TEC: variants seen among roughly 807,000 people sequenced by gnomAD.
TEC encodes tyrosine-protein kinase Tec.
In TEC, 72 loss-of-function variants were observed where a neutral mutation model predicts 93.0. That is an observed-to-expected ratio of 0.77 (90% confidence interval 0.64 to 0.94). The LOEUF (loss-of-function observed/expected upper bound fraction) is 0.94. Among genes scored for constraint, TEC ranks in the 40% least tolerant of loss-of-function variants. TEC has a pLI of 0.00. For missense variants in TEC, 630 were observed against 757.9 expected, an observed-to-expected ratio of 0.83 and a Z score of 1.98; for synonymous variants, 249 against 247.7, an observed-to-expected ratio of 1.01 and a Z score of -0.05.
chr4:48,149,624 G>A lies in TEC; in HGVS notation c.939C>T (p.Tyr313=). 6.2e-7 allele frequency: 1 copy of A among 1,612,296 alleles called. No homozygotes were observed. The highest frequency in any genetic ancestry group is 1.3e-5 in the African/African-American group (1 of 74,928). ...KETTTSPKKY[Y]LAEKHAFGSI... is the part of the protein sequence containing the mutation. ...AGCCAAAAGCATGTTTTTCAGCTAGGTAATACTTCTTTGGAGATGTTGTTG... is the reference window on the plus strand; with the variant it reads ...AGCCAAAAGCATGTTTTTCAGCTAGATAATACTTCTTTGGAGATGTTGTTG... The change falls in exon 11 of 18, where the codon TAC becomes TAT. Residue 313 remains tyrosine (Y), a synonymous_variant. Coordinates refer to ENST00000381501, the MANE Select transcript of TEC (RefSeq NM_003215.3).
At chr4:48,161,582 C>T (rs1720659422) in intron 8 of TEC, among the ~76,000 whole-genome samples, 1 of 144,944 alleles carries the variant, frequency 6.9e-6, no homozygotes, top group Admixed American at 7.2e-5. Context: ...ACTATTCACT[C>T]CACAGCTGCC....
intron 1 of TEC, among the ~76,000 whole-genome samples, chr4:48,246,799 C>T (rs926200315): frequency 6.6e-6 from 1 of 152,088 alleles, no homozygotes; most frequent in Non-Finnish European, 1.5e-5. Context: ...TTGTAGAACT[C>T]TTAGAAGAAA....
intron 10 of TEC, 80 bp from the exon 11 acceptor site, chr4:48,149,770 C>A: frequency 7.1e-7 from 1 of 1,404,798 alleles, no homozygotes; most frequent in South Asian, 1.5e-5. Context: ...ACAAGGGCAA[C>A]CACAGTGTCT....
chr4:48,265,435 A>G (rs2036766), intron 1 of TEC, among the ~76,000 whole-genome samples: 100,680 of 138,736 alleles, frequency 0.73, 38,213 homozygotes, highest in Non-Finnish European at 0.87. Context: ...ATACACACAC[A>G]CATATATACG....
In TEC at chr4:48,250,376, G is replaced by C. The variant is rs1211641043; in HGVS notation, c.-46+19376C>G. Among the ~76,000 whole-genome samples, 10 of 152,144 alleles carry C rather than the reference G, an allele frequency of 6.6e-5. No individual in the cohort carries two copies. The East Asian group carries it at 1.3e-3, about 20-fold the overall frequency. On this transcript the variant is annotated intron_variant, in intron 1 of 17. Coordinates refer to ENST00000381501, the MANE Select transcript of TEC (RefSeq NM_003215.3). ...TACTCTCCCATGAGTGCAATAGATT[G>C]ATTGGAATAATGGCCCCAATTTTTC...
chr4:48,255,029 C>A (rs1203517437), intron 1 of TEC, among the ~76,000 whole-genome samples: 1 of 152,224 alleles, frequency 6.6e-6, no homozygotes, highest in South Asian at 2.1e-4. Context: ...GACAAAAATA[C>A]TCATCTTCTG....
chr4:48,188,445 G>GC (rs1182580841), intron 2 of TEC, among the ~76,000 whole-genome samples: 1 of 152,062 alleles, frequency 6.6e-6, no homozygotes, highest in African/African-American at 2.4e-5. Context: ...GTTTCTGAGG[G>GC]TTTTTTCCTT....
At chr4:48,190,531 C>T (rs550702499) in intron 2 of TEC, among the ~76,000 whole-genome samples, 2 of 152,212 alleles carry the variant, frequency 1.3e-5, no homozygotes, top group South Asian at 2.1e-4. Context: ...CATTTATAAT[C>T]GAGGTAGGAA....
At chr4:48,149,758 C>A in intron 10 of TEC, 68 bp from the exon 11 acceptor site, 2 of 1,492,678 alleles carry the variant, frequency 1.3e-6, no homozygotes, top group Non-Finnish European at 1.8e-6. Flanking sequence ...AAGATGTTTT[C>A]TACAAGGGCA....
chr4:48,181,231 G>A (rs1291695924), intron 2 of TEC, among the ~76,000 whole-genome samples: 2 of 152,162 alleles, frequency 1.3e-5, no homozygotes, highest in Non-Finnish European at 2.9e-5. Context: ...TGTCTTTATA[G>A]ATAAAGACAA....
At chr4:48,149,735 G>A (rs371483305) in intron 10 of TEC, 45 bp from the exon 11 acceptor site, 1 of 1,555,402 alleles carries the variant, frequency 6.4e-7, no homozygotes, top group African/African-American at 1.4e-5. Flanking sequence ...TGAAATAATA[G>A]AACTTCATTC....
intron 2 of TEC, among the ~76,000 whole-genome samples, chr4:48,209,516 G>C (rs1020503142): frequency 2.0e-5 from 3 of 152,148 alleles, no homozygotes; most frequent in African/African-American, 7.2e-5. Context: ...GGGAGGCTGA[G>C]GTGGGAGGAT....
chr4:48,181,823 G>C (rs571088394), intron 2 of TEC, among the ~76,000 whole-genome samples: 1 of 152,078 alleles, frequency 6.6e-6, no homozygotes, highest in Non-Finnish European at 1.5e-5. Context: ...GCTTTTTAAA[G>C]CTTTTCCACA....
intron 2 of TEC, among the ~76,000 whole-genome samples, chr4:48,212,798 A>G (rs1722954859): frequency 6.6e-6 from 1 of 152,220 alleles, no homozygotes; most frequent in African/African-American, 2.4e-5. Flanking sequence ...ATAGCACAGC[A>G]GAGGTAGCAT....
chr4:48,222,349 C>G (rs1402476477), intron 2 of TEC, among the ~76,000 whole-genome samples: 26 of 152,142 alleles, frequency 1.7e-4, no homozygotes, highest in Non-Finnish European at 2.5e-4. Flanking sequence ...CCTAGAGAAG[C>G]TATGCATTTT....
chr4:48,187,507 G>A (rs969569039), intron 2 of TEC, among the ~76,000 whole-genome samples: 3 of 150,854 alleles, frequency 2.0e-5, no homozygotes, highest in African/African-American at 7.3e-5. Flanking sequence ...ATATAAGATC[G>A]TGTTGATGTA....
chr4:48,153,049 C>CACAG (rs1456387141), intron 9 of TEC, among the ~76,000 whole-genome samples: 1 of 152,148 alleles, frequency 6.6e-6, no homozygotes, highest in Non-Finnish European at 1.5e-5. Flanking sequence ...CCTTACTCAG[C>CACAG]ACAGAGTAGT....
intron 7 of TEC, among the ~76,000 whole-genome samples, chr4:48,167,245 A>G (rs1339365665): frequency 6.6e-6 from 1 of 152,148 alleles, no homozygotes; most frequent in Non-Finnish European, 1.5e-5. Flanking sequence ...TTTTATATAT[A>G]CATACACAAA....
chr4:48,179,670 T>C (rs1049581564), intron 2 of TEC, among the ~76,000 whole-genome samples: 1 of 151,814 alleles, frequency 6.6e-6, no homozygotes, highest in African/African-American at 2.4e-5. Context: ...ATTACAGGCG[T>C]GAGCACTACA....
Sources: gnomAD v4.1 joint callset for allele counts (sites outside exome capture counted in the v4.1 genomes callset) on GRCh38, gnomAD v4.1.1 for gene constraint, MANE v1.5 for transcripts, NCBI Gene and HGNC (gene_info 2026-07-23, HGNC 2026-07-21) for gene names.